Variants in MAFK observed in about 807,000 individuals in gnomAD.
The protein encoded by MAFK is transcription factor MafK.
In MAFK, 1 loss-of-function variant was observed where a neutral mutation model predicts 9.2. The observed-to-expected ratio is 0.11, with a 90% CI of 0.04 to 0.52. The LOEUF (loss-of-function observed/expected upper bound fraction) is 0.52. Ranked by LOEUF, MAFK falls within the 20% of genes least tolerant of loss-of-function variation. The pLI is 0.94. For synonymous variants in MAFK, 110 were observed against 107.4 expected, an observed-to-expected ratio of 1.02 and a Z score of -0.15; for missense variants, 207 against 236.0, an observed-to-expected ratio of 0.88 and a Z score of 0.81.
At position 1,540,694 on chromosome 7, in the gene MAFK, C is replaced by T. The variant is rs1325407277; in HGVS notation, c.*319C>T. The stretch of plus-strand genomic sequence containing the variant: ...TAATGGAAAGGCCCTCGGGAAGTTC[C>T]GCGTCCTCTGTGGGGGCTGCCGGAA... On this transcript the variant is annotated 3_prime_UTR_variant, in exon 3 of 3. Coordinates refer to ENST00000343242, the MANE Select transcript of MAFK (RefSeq NM_002360.4). 13 of 332,516 alleles carry T rather than the reference C, an allele frequency of 3.9e-5. No individual in the cohort carries two copies. The highest frequency in any genetic ancestry group is 8.7e-4 in the Middle Eastern group (1 of 1,156). The allele number at this position is 332,516 out of a possible 1,614,324, so 20.6% of individuals were successfully genotyped here. A position where few individuals can be genotyped will look rare whatever the true frequency, so the allele number is the denominator to read the frequency against.
chr7:1,537,298 G>A (rs1302764838), intron 1 of MAFK: 9 of 842,710 alleles, frequency 1.1e-5, no homozygotes, highest in Admixed American at 1.2e-4. Flanking sequence ...CCCAGGAGCG[G>A]GTCCTTGCTG....
In MAFK at chr7:1,530,798, G is replaced by T. The variant is rs1429559516; in HGVS notation, c.-145G>T. ...CGAAGTCGGAGCCCGAGCGCCAGGC[G>T]GCGGCGGCGGCCGAGGGGAGCGCGA... On this transcript the variant is annotated 5_prime_UTR_variant, in exon 1 of 3. Transcript: ENST00000343242. 1.5e-4 allele frequency: 22 copies of T among 148,756 alleles called. No homozygotes were observed. Among genetic ancestry groups the T allele is most frequent in the Admixed American group, 1.4e-3 (21 of 14,902 alleles). The allele number at this position is 148,756 out of a possible 1,614,324, so 9.2% of individuals were successfully genotyped here.
intron 1 of MAFK, among the ~76,000 whole-genome samples, chr7:1,531,279 G>T (rs1353852527): frequency 2.7e-5 from 4 of 150,514 alleles, no homozygotes; most frequent in African/African-American, 7.3e-5. Flanking sequence ...CGGGGCGGGC[G>T]CCACGTGCGG....
In MAFK at chr7:1,540,479, CCAAGCGCAGGCCCCT is replaced by C. The variant is rs1342537301; in HGVS notation, c.*106_*120del. 2.6e-6 allele frequency: 3 copies of C among 1,160,988 alleles called. No homozygotes were observed. The highest frequency in any genetic ancestry group is 3.6e-6 in the Non-Finnish European group (3 of 843,296). The allele number at this position is 1,160,988 out of a possible 1,614,324, so 71.9% of individuals were successfully genotyped here. The stretch of plus-strand genomic sequence containing the variant: ...GGATGCAGACTCTCGACATCCGAGT[CCAAGCGCAGGCCCCT>C]CGGGCGCAGGCAGCTCACACCAGGA... On this transcript the variant is annotated 3_prime_UTR_variant, in exon 3 of 3. Transcript: ENST00000343242.
In MAFK at chr7:1,539,220, G is replaced by A; in HGVS notation, c.28G>A (p.Ala10Thr). MTTNPKPNK[A>T]LKVKKEAGEN... ...GACGACTAATCCCAAACCGAATAAGGCATTAAAGGTAAGGCTGGTTCCAAG... is the reference window on the plus strand; with the variant it reads ...GACGACTAATCCCAAACCGAATAAGACATTAAAGGTAAGGCTGGTTCCAAG... The change falls in exon 2 of 3, where the codon GCA becomes ACA. Residue 10 changes from alanine (A) to threonine (T), a missense_variant. Transcript: ENST00000343242. The A allele has an allele frequency of 6.2e-7, 1 of 1,611,506 alleles. No individual in the cohort carries two copies. The highest frequency in any genetic ancestry group is 8.5e-7 in the Non-Finnish European group (1 of 1,178,978).
Position 1,532,119 on chromosome 7 carries a change from C to T in MAFK, c.-45+1221C>T, listed in dbSNP as rs147971081. 1.7e-3 allele frequency among the ~76,000 whole-genome samples: 256 copies of T among 152,352 alleles called. 1 individual carries two copies. Among genetic ancestry groups the T allele is most frequent in the African/African-American group, 5.6e-3 (234 of 41,588 alleles). ...GGCTCTGGCAGCGCCCTTCCCACCC[C>T]TCTGATTCTCCAGGGTGGGCTGCCA... On this transcript the variant is annotated intron_variant, in intron 1 of 2. Transcript: ENST00000343242. The surrounding 1 kb of genome is among the most constrained non-coding windows in gnomAD (Gnocchi z 4.5).
At position 1,534,762 on chromosome 7, in the gene MAFK, G is replaced by A. The variant is rs1360369282; in HGVS notation, c.-45+3864G>A. The A allele has an allele frequency of 2.5e-6, 1 of 405,794 alleles. No homozygotes were observed. Among genetic ancestry groups the A allele is most frequent in the East Asian group, 7.3e-5 (1 of 13,692 alleles). The allele number at this position is 405,794 out of a possible 1,614,324, so 25.1% of individuals were successfully genotyped here. A position where few individuals can be genotyped will look rare whatever the true frequency, so the allele number is the denominator to read the frequency against. ...CCCCCATGCTGGCCTCGTAGAGCGA[G>A]CGGCAGCCCCGATGCGTCCTCTCAT... On this transcript the variant is annotated intron_variant, in intron 1 of 2. Coordinates refer to ENST00000343242, the MANE Select transcript of MAFK (RefSeq NM_002360.4). This position sits in a 1 kb window ranked among gnomAD's most constrained non-coding sequence, Gnocchi z 4.3.
Position 1,534,160 on chromosome 7 carries a change from T to G in MAFK, c.-45+3262T>G, listed in dbSNP as rs752505214. 1 of 445,310 alleles carries G rather than the reference T, an allele frequency of 2.2e-6. No homozygotes were observed. The highest frequency in any genetic ancestry group is 1.6e-5 in the South Asian group (1 of 64,132). 27.6% of individuals were successfully genotyped at this position (445,310 alleles called of 1,614,324 possible). On this transcript the variant is annotated intron_variant, in intron 1 of 2. Coordinates refer to ENST00000343242, the MANE Select transcript of MAFK (RefSeq NM_002360.4). The surrounding 1 kb of genome is among the most constrained non-coding windows in gnomAD (Gnocchi z 4.3). ...ATGGGCCGGGCTGCGGGGTGCCAAGTGGGGTGCCTCCCGCATGCTTAGTGG... is the reference window on the plus strand; with the variant it reads ...ATGGGCCGGGCTGCGGGGTGCCAAGGGGGGTGCCTCCCGCATGCTTAGTGG...
chr7:1,535,085 C>CTT lies in MAFK; in HGVS notation c.-44-4048_-44-4047dup, dbSNP rs59057812. ...CCATCACAACTGGCTATTTAAAATTCTTTTTTTTTTTTTTTTTGTAGAGAT... is the reference window on the plus strand; with the variant it reads ...CCATCACAACTGGCTATTTAAAATTCTTTTTTTTTTTTTTTTTTTGTAGAGAT... On this transcript the variant is annotated intron_variant, in intron 1 of 2. Coordinates refer to ENST00000343242, the MANE Select transcript of MAFK (RefSeq NM_002360.4). Among the ~76,000 whole-genome samples the CTT allele has an allele frequency of 3.0e-3, 331 of 111,942 alleles. 7 individuals are homozygous for CTT. Among genetic ancestry groups the CTT allele is most frequent in the African/African-American group, 0.011 (311 of 27,448 alleles). 73.4% of individuals were successfully genotyped at this position (111,942 alleles called of 152,430 possible). A position where few individuals can be genotyped will look rare whatever the true frequency, so the allele number is the denominator to read the frequency against.
chr7:1,536,777 C>T (rs1451354514), intron 1 of MAFK, among the ~76,000 whole-genome samples: 3 of 152,238 alleles, frequency 2.0e-5, no homozygotes, highest in Middle Eastern at 3.2e-3. Flanking sequence ...CATCCCATCC[C>T]GTGCTGGGTT....
intron 1 of MAFK, among the ~76,000 whole-genome samples, chr7:1,536,900 G>T (rs944142735): frequency 6.6e-6 from 1 of 152,202 alleles, no homozygotes; most frequent in African/African-American, 2.4e-5. Context: ...CCAAGGAGGT[G>T]GGGGGCAGGC....
intron 2 of MAFK, 48 bp from the exon 3 acceptor site, chr7:1,539,893 A>G (rs947106773): frequency 1.1e-4 from 162 of 1,441,030 alleles, no homozygotes; most frequent in Non-Finnish European, 1.5e-4. Context: ...GGTCCCAGGC[A>G]GACACCCCAC....
chr7:1,534,018 G>A lies in MAFK; in HGVS notation c.-45+3120G>A, dbSNP rs1783966055. 1 of 354,604 alleles carries A rather than the reference G, an allele frequency of 2.8e-6. No individual in the cohort carries two copies. The highest frequency in any genetic ancestry group is 7.5e-5 in the East Asian group (1 of 13,290). The allele number at this position is 354,604 out of a possible 1,614,324, so 22.0% of individuals were successfully genotyped here. On this transcript the variant is annotated intron_variant, in intron 1 of 2. Transcript: ENST00000343242. The surrounding 1 kb of genome is among the most constrained non-coding windows in gnomAD (Gnocchi z 4.3). ...GCTGCCTGAGTCACCTCTGGATGTA[G>A]CGGAATGACACAGCTTCCTCAGACT...
intron 1 of MAFK, chr7:1,538,937 C>G (rs1784105620): frequency 1.9e-6 from 1 of 515,150 alleles, no homozygotes; most frequent in African/African-American, 2.0e-5. Flanking sequence ...TTCCCTGAAC[C>G]CTCAGGCAGG....
At chr7:1,538,403 C>T (rs1429284584) in intron 1 of MAFK, 16 of 972,750 alleles carry the variant, frequency 1.6e-5, no homozygotes, top group African/African-American at 1.9e-5. Context: ...GGTCCTCGCT[C>T]GGGGGCAGCT....
At chr7:1,536,118 C>T (rs1200564751) in intron 1 of MAFK, among the ~76,000 whole-genome samples, 1 of 152,226 alleles carries the variant, frequency 6.6e-6, no homozygotes, top group African/African-American at 2.4e-5. Context: ...CTTTGCTGCC[C>T]GGCGCTGCTC....
In MAFK at chr7:1,538,741, T is replaced by A. The variant is rs1430235540; in HGVS notation, c.-44-408T>A. On this transcript the variant is annotated intron_variant, in intron 1 of 2. Transcript: ENST00000343242. ...TTGTGCTGTGCAGGTGCAGACGTCT[T>A]CTCTGACCTCAGGGAGAGTCAGAAC... 4.3e-5 allele frequency: 9 copies of A among 207,880 alleles called. No individual in the cohort carries two copies. In the South Asian group the frequency reaches 5.2e-4, roughly 12 times the overall value. The allele number at this position is 207,880 out of a possible 1,614,324, so 12.9% of individuals were successfully genotyped here. A position where few individuals can be genotyped will look rare whatever the true frequency, so the allele number is the denominator to read the frequency against.
At chr7:1,535,085 C>CTTTTTTTTTTTTTTTT (rs59057812) in intron 1 of MAFK, among the ~76,000 whole-genome samples, 10 of 111,940 alleles carry the variant, frequency 8.9e-5, no homozygotes, top group South Asian at 3.0e-4. Flanking sequence ...ATTTAAAATT[C>CTTTTTTTTTTTTTTTT]TTTTTTTTTT....
rs1784207822 is a variant in MAFK, at chr7:1,542,186, G to A, written c.*1811G>A. 6.6e-6 allele frequency: 1 copy of A among 152,498 alleles called. No homozygotes were observed. Among genetic ancestry groups the A allele is most frequent in the African/African-American group, 2.4e-5 (1 of 41,476 alleles). 9.4% of individuals were successfully genotyped at this position (152,498 alleles called of 1,614,324 possible). On this transcript the variant is annotated 3_prime_UTR_variant, in exon 3 of 3. Coordinates refer to ENST00000343242, the MANE Select transcript of MAFK (RefSeq NM_002360.4). ...TGGCCGTGGTAGGTAATCCATATTGGATGTCATAAGGACCAGGGGGATATT... is the reference window on the plus strand; with the variant it reads ...TGGCCGTGGTAGGTAATCCATATTGAATGTCATAAGGACCAGGGGGATATT...
Sources: gnomAD v4.1 joint callset for allele counts (sites outside exome capture counted in the v4.1 genomes callset) on GRCh38, gnomAD v4.1.1 for gene constraint, Gnocchi (gnomAD v3.1) non-coding constraint, MANE v1.5 for transcripts, NCBI Gene and HGNC (gene_info 2026-07-23, HGNC 2026-07-21) for gene names.